The following LPP variants were observed in gnomAD, a reference collection of about 807,000 sequenced individuals.
LPP encodes LIM domain containing preferred translocation partner in lipoma, also known as lipoma-preferred partner.
Under a neutral mutation model 60.4 loss-of-function variants are expected in LPP, and 38 were observed. The observed-to-expected ratio is 0.63, with a 90% CI of 0.49 to 0.83. The LOEUF (loss-of-function observed/expected upper bound fraction) is 0.83. Ranked by LOEUF, LPP falls within the 40% of genes least tolerant of loss-of-function variation. The probability of loss-of-function intolerance (pLI) is 0.00; values close to 1 mark genes in which losing one functional copy is unlikely to be tolerated. For missense variants in LPP, 902 were observed against 783.6 expected (o/e 1.15, Z -1.80); for synonymous variants, 328 against 290.8 (o/e 1.13, Z -1.30).
intron 2 of LPP, among the ~76,000 whole-genome samples, chr3:188,276,297 C>T (rs1316529908): frequency 1.3e-5 from 2 of 152,070 alleles, no homozygotes; most frequent in Non-Finnish European, 2.9e-5. Context: ...CATCATGTGG[C>T]GATGAAGTAG....
At chr3:188,439,777 A>G (rs1793315610) in intron 4 of LPP, among the ~76,000 whole-genome samples, 2 of 152,182 alleles carry the variant, frequency 1.3e-5, no homozygotes, top group Admixed American at 1.3e-4. Flanking sequence ...GCCCTTGGGA[A>G]CCTTCTATCC....
Position 188,883,223 on chromosome 3 carries a change from T to G in LPP, c.*8744T>G. 4.6e-6 allele frequency: 1 copy of G among 216,356 alleles called. No individual in the cohort carries two copies. Among genetic ancestry groups the G allele is most frequent in the East Asian group, 6.8e-5 (1 of 14,764 alleles). The allele number at this position is 216,356 out of a possible 1,614,324, so 13.4% of individuals were successfully genotyped here. Reference sequence around the variant, plus strand: ...ATTTGTTTTGTTTTGGGCATTGCATTACTTTTTTGAATTTTTAAGAATCTC... The same window carrying G: ...ATTTGTTTTGTTTTGGGCATTGCATGACTTTTTTGAATTTTTAAGAATCTC... On this transcript the variant is annotated 3_prime_UTR_variant, in exon 12 of 12. Coordinates refer to ENST00000617246, the MANE Select transcript of LPP (RefSeq NM_001375462.1).
At chr3:188,362,968 T>C (rs1769949708) in intron 3 of LPP, among the ~76,000 whole-genome samples, 1 of 152,196 alleles carries the variant, frequency 6.6e-6, no homozygotes, top group Admixed American at 6.5e-5. Flanking sequence ...TCATTAGGGC[T>C]CAAATTTTGT....
chr3:188,470,097 A>T (rs1487191871), intron 4 of LPP, among the ~76,000 whole-genome samples: 1 of 152,098 alleles, frequency 6.6e-6, no homozygotes, highest in African/African-American at 2.4e-5. Context: ...CTAGGTTCAC[A>T]CACATCTAGT....
intron 7 of LPP, among the ~76,000 whole-genome samples, chr3:188,627,408 A>T (rs558186909): frequency 6.6e-6 from 1 of 152,308 alleles, no homozygotes; most frequent in African/African-American, 2.4e-5. Context: ...CCCATCTCAC[A>T]TGCAGTGACA....
At chr3:188,473,636 C>T (rs910846837) in intron 4 of LPP, among the ~76,000 whole-genome samples, 1 of 152,194 alleles carries the variant, frequency 6.6e-6, no homozygotes, top group Non-Finnish European at 1.5e-5. Context: ...AGATGAGTTT[C>T]AATACCTCAA....
At chr3:188,577,744 T>TTTTCCTTCCTTCCTTC (rs1560587330) in intron 6 of LPP, among the ~76,000 whole-genome samples, 1 of 41,426 alleles carries the variant, frequency 2.4e-5, no homozygotes, top group Non-Finnish European at 7.3e-5. Flanking sequence ...TTCCTTCCTT[T>TTTTCCTTCCTTCCTTC]GTTCCTTCGT....
intron 3 of LPP, among the ~76,000 whole-genome samples, chr3:188,394,150 G>A (rs530407090): frequency 6.6e-6 from 1 of 152,188 alleles, no homozygotes; most frequent in Admixed American, 6.5e-5. Flanking sequence ...TTTTAAAGAG[G>A]GGAAGAACTA....
At chr3:188,464,639 C>T (rs1799921195) in intron 4 of LPP, among the ~76,000 whole-genome samples, 1 of 152,122 alleles carries the variant, frequency 6.6e-6, no homozygotes, top group Non-Finnish European at 1.5e-5. Context: ...AAAGTGATTT[C>T]ATGGACACTA....
chr3:188,323,337 A>G (rs924280594), intron 2 of LPP, among the ~76,000 whole-genome samples: 1 of 152,152 alleles, frequency 6.6e-6, no homozygotes, highest in Non-Finnish European at 1.5e-5. Flanking sequence ...TTTTGTACCC[A>G]CTTCCTGGGC....
intron 6 of LPP, among the ~76,000 whole-genome samples, chr3:188,526,749 C>T (rs1375652603): frequency 1.3e-5 from 2 of 152,110 alleles, no homozygotes; most frequent in African/African-American, 2.4e-5. Flanking sequence ...TATACTTTGT[C>T]CCTGTAAATG....
At chr3:188,634,093 T>C (rs751305290) in intron 7 of LPP, among the ~76,000 whole-genome samples, 2 of 152,178 alleles carry the variant, frequency 1.3e-5, no homozygotes, top group African/African-American at 2.4e-5. Context: ...ACATAAACCT[T>C]AATAAAAAGA....
At chr3:188,502,937 T>C (rs1376620690) in intron 5 of LPP, among the ~76,000 whole-genome samples, 2 of 152,122 alleles carry the variant, frequency 1.3e-5, no homozygotes, top group Non-Finnish European at 2.9e-5. Flanking sequence ...TGAATGTGTA[T>C]CACTTTTACA....
At chr3:188,234,676 A>G (rs1721254521) in intron 2 of LPP, among the ~76,000 whole-genome samples, 1 of 152,190 alleles carries the variant, frequency 6.6e-6, no homozygotes, top group Admixed American at 6.5e-5. Context: ...GGAGATGAAA[A>G]GCTAGAATAA....
intron 5 of LPP, among the ~76,000 whole-genome samples, chr3:188,510,014 G>T (rs1814976022): frequency 6.6e-6 from 1 of 151,896 alleles, no homozygotes; most frequent in Admixed American, 6.6e-5. Flanking sequence ...ACTGCACCGG[G>T]CCTGTCTCAT....
chr3:188,586,193 G>A (rs1837400480), intron 6 of LPP, among the ~76,000 whole-genome samples: 1 of 152,172 alleles, frequency 6.6e-6, no homozygotes. Context: ...TTTACGTTGA[G>A]TGCAGTGTTT....
chr3:188,482,163 A>G (rs1579238290), intron 4 of LPP, among the ~76,000 whole-genome samples: 1 of 152,252 alleles, frequency 6.6e-6, no homozygotes, highest in Admixed American at 6.5e-5. Context: ...TTCTGCCGTG[A>G]TTGTAACTTT....
At chr3:188,456,468 A>G (rs1327481305) in intron 4 of LPP, among the ~76,000 whole-genome samples, 2 of 152,266 alleles carry the variant, frequency 1.3e-5, no homozygotes, top group Non-Finnish European at 2.9e-5. Flanking sequence ...AATGTGATGA[A>G]CAAATCATTT....
At chr3:188,710,599 A>G (rs1866436550) in intron 8 of LPP, 1 of 152,236 alleles carries the variant, frequency 6.6e-6, no homozygotes, top group Non-Finnish European at 1.5e-5. Context: ...AAGTTTATTA[A>G]TGCTCTTGTC....
Sources: gnomAD v4.1 joint callset for allele counts (sites outside exome capture counted in the v4.1 genomes callset) on GRCh38, gnomAD v4.1.1 for gene constraint, MANE v1.5 for transcripts, NCBI Gene and HGNC (gene_info 2026-07-23, HGNC 2026-07-21) for gene names.